Variants in LIMCH1 observed in about 807,000 individuals in gnomAD.
LIMCH1 encodes the protein LIM and calponin homology domains 1.
Under a neutral mutation model 176.5 loss-of-function variants are expected in LIMCH1, and 113 were observed. The observed-to-expected ratio is 0.64, with a 90% CI of 0.55 to 0.75. LIMCH1 has a LOEUF of 0.75. Ranked by LOEUF, LIMCH1 falls within the 30% of genes least tolerant of loss-of-function variation. LIMCH1 has a pLI of 0.00. For synonymous variants in LIMCH1, 619 were observed against 645.9 expected (o/e 0.96, Z 0.63); for missense variants, 1,674 against 1,814.9 (o/e 0.92, Z 1.41).
At chr4:41,478,820 C>T (rs534223725) in intron 1 of LIMCH1, among the ~76,000 whole-genome samples, 1 of 152,226 alleles carries the variant, frequency 6.6e-6, no homozygotes, top group African/African-American at 2.4e-5. Flanking sequence ...GTGAGTTGAA[C>T]ATAAATGTAG....
intron 2 of LIMCH1, among the ~76,000 whole-genome samples, chr4:41,514,805 G>A (rs140794423): frequency 9.2e-4 from 140 of 152,276 alleles, no homozygotes; most frequent in Admixed American, 2.4e-3. Flanking sequence ...ATCTTGCTAT[G>A]CCTGTCCTTA....
chr4:41,389,495 G>T, intron 1 of LIMCH1: 1 of 183,006 alleles, frequency 5.5e-6, no homozygotes, highest in East Asian at 1.3e-4. Flanking sequence ...GAGATCCTGG[G>T]GACTGCCCCG....
intron 31 of LIMCH1, chr4:41,692,597 G>T: frequency 2.1e-6 from 1 of 471,312 alleles, no homozygotes; most frequent in Non-Finnish European, 3.9e-6. Flanking sequence ...TTTTTATCCT[G>T]AAGTGCATCA....
intron 17 of LIMCH1, 40 bp from the exon 18 acceptor site, chr4:41,650,353 G>T (rs756860037): frequency 7.1e-7 from 1 of 1,408,530 alleles, no homozygotes; most frequent in Non-Finnish European, 1.0e-6. Context: ...TTTGATTGGG[G>T]TATATATAGC....
chr4:41,601,376 C>G (rs1414726309), intron 2 of LIMCH1, among the ~76,000 whole-genome samples: 2 of 152,130 alleles, frequency 1.3e-5, no homozygotes, highest in Admixed American at 1.3e-4. Flanking sequence ...CTCTGAAGTG[C>G]TGGCATTTCA....
chr4:41,447,533 G>A (rs1561400723), intron 1 of LIMCH1, among the ~76,000 whole-genome samples: 1 of 152,140 alleles, frequency 6.6e-6, no homozygotes, highest in African/African-American at 2.4e-5. Flanking sequence ...AATGGAGCTG[G>A]GAATTGCACA....
chr4:41,556,096 A>G (rs1487973079), intron 1 of LIMCH1, among the ~76,000 whole-genome samples: 1 of 152,078 alleles, frequency 6.6e-6, no homozygotes, highest in African/African-American at 2.4e-5. Flanking sequence ...GGTAGTATGT[A>G]GAGCAGAAAT....
At chr4:41,678,545 G>A (rs749595747) in intron 23 of LIMCH1, among the ~76,000 whole-genome samples, 8 of 152,172 alleles carry the variant, frequency 5.3e-5, no homozygotes, top group Non-Finnish European at 7.3e-5. Flanking sequence ...TTTCCACAAA[G>A]TGAAGTCAGG....
chr4:41,438,199 G>T (rs998809508), intron 1 of LIMCH1, among the ~76,000 whole-genome samples: 1 of 152,122 alleles, frequency 6.6e-6, no homozygotes, highest in Non-Finnish European at 1.5e-5. Context: ...TGAGGAAGCT[G>T]CTCATTGAAC....
chr4:41,405,855 C>G (rs1407215431), intron 1 of LIMCH1, among the ~76,000 whole-genome samples: 3 of 152,058 alleles, frequency 2.0e-5, no homozygotes, highest in Admixed American at 2.0e-4. Context: ...TGATGCAAGG[C>G]TAAGAACAAA....
intron 1 of LIMCH1, among the ~76,000 whole-genome samples, chr4:41,385,565 A>G (rs796890541): frequency 2.6e-5 from 4 of 152,338 alleles, no homozygotes; most frequent in African/African-American, 9.6e-5. Context: ...TTTATTCTGC[A>G]TATTAAAAAT....
rs1715816744 is a variant in LIMCH1 at position 41,681,510 on chromosome 4, TTG to T, written c.3717+452_3717+453del. On this transcript the variant is annotated intron_variant, in intron 25 of 31. Transcript: ENST00000503057. ...TGTTCTCCACCAGCATCCATGAAAA[TTG>T]CTTCTAACCCCCCCACATTCCACAA... 3.3e-5 allele frequency among the ~76,000 whole-genome samples: 5 copies of T among 152,002 alleles called. No individual in the cohort carries two copies. The South Asian group carries it at 1.0e-3, about 31-fold the overall frequency.
At position 41,697,689 on chromosome 4, in the gene LIMCH1, G is replaced by T; in HGVS notation, c.*504G>T. ...AAACATCACAGCAAGCTCTATCTCT[G>T]AGCTATAATTTGTTTTTAATGCAAA... On this transcript the variant is annotated 3_prime_UTR_variant, in exon 32 of 32. Transcript: ENST00000503057. 1 of 153,386 alleles carries T rather than the reference G, an allele frequency of 6.5e-6. No individual in the cohort carries two copies. The highest frequency in any genetic ancestry group is 1.5e-5 in the Non-Finnish European group (1 of 68,836). 9.5% of individuals were successfully genotyped at this position (153,386 alleles called of 1,614,324 possible).
chr4:41,546,893 G>A (rs1432867104), intron 1 of LIMCH1, among the ~76,000 whole-genome samples: 4 of 152,126 alleles, frequency 2.6e-5, no homozygotes, highest in Admixed American at 6.6e-5. Context: ...GGTTGAGACC[G>A]AGATTGAGAC....
At chr4:41,536,743 G>A (rs60954088), upstream of LIMCH1, among the ~76,000 whole-genome samples, 22,112 of 152,008 alleles carry the variant, frequency 0.15, 1,708 homozygotes, top group Non-Finnish European at 0.16. Context: ...GCCATCAAAA[G>A]CAAGGCATAT....
At chr4:41,562,538 C>G (rs1406787986) in intron 1 of LIMCH1, among the ~76,000 whole-genome samples, 1 of 152,172 alleles carries the variant, frequency 6.6e-6, no homozygotes, top group Non-Finnish European at 1.5e-5. Context: ...TGGGTCCAGT[C>G]ATTCTGTCCC....
At chr4:41,420,329 C>T (rs1209607871) in intron 1 of LIMCH1, among the ~76,000 whole-genome samples, 1 of 152,094 alleles carries the variant, frequency 6.6e-6, no homozygotes, top group Non-Finnish European at 1.5e-5. Flanking sequence ...AAAAGGTTCC[C>T]ACCCCCATTT....
At chr4:41,634,969 G>A (rs2093504810) in intron 13 of LIMCH1, among the ~76,000 whole-genome samples, 1 of 152,198 alleles carries the variant, frequency 6.6e-6, no homozygotes, top group Non-Finnish European at 1.5e-5. Flanking sequence ...AGAATGAAAG[G>A]AAAGAAGGAG....
At chr4:41,391,046 T>C (rs2057175378) in intron 1 of LIMCH1, among the ~76,000 whole-genome samples, 1 of 152,162 alleles carries the variant, frequency 6.6e-6, no homozygotes, top group Non-Finnish European at 1.5e-5. Flanking sequence ...CTGTCTACAA[T>C]ACTGTTAAAT....
Sources: allele counts gnomAD v4.1 joint callset (sites outside exome capture counted in the v4.1 genomes callset), GRCh38; gene constraint gnomAD v4.1.1; transcripts MANE v1.5; gene names NCBI Gene and HGNC (gene_info 2026-07-23, HGNC 2026-07-21).